The following LAMA4 variants were observed in gnomAD, a reference collection of about 807,000 sequenced individuals.
The protein encoded by LAMA4 is laminin subunit alpha 4.
A neutral mutation model predicts 207.1 loss-of-function variants in LAMA4; 127 were observed. That is an observed-to-expected ratio of 0.61 (90% CI 0.53 to 0.71). LAMA4 has a LOEUF of 0.71. LAMA4 is among the 30% of genes least tolerant of loss of function. The pLI is 0.00. For missense variants in LAMA4, 2,093 were observed against 2,246.5 expected, an observed-to-expected ratio of 0.93 and a Z score of 1.38; for synonymous variants, 761 against 816.0, an observed-to-expected ratio of 0.93 and a Z score of 1.15.
Position 112,140,796 on chromosome 6 carries a change from T to G in LAMA4, c.2940A>C (p.Thr980=), listed in dbSNP as rs397516727. The change falls in exon 22 of 39, where the codon ACA becomes ACC. Residue 980 remains threonine (T), a synonymous_variant. Coordinates refer to ENST00000230538, the MANE Select transcript of LAMA4 (RefSeq NM_001105206.3). Reference sequence around the variant, plus strand: ...AAGGCACTCCACCAACATAAAACACTGTGTCCTCAGGGTCCAGGTCCAGCA... The same window carrying G: ...AAGGCACTCCACCAACATAAAACACGGTGTCCTCAGGGTCCAGGTCCAGCA... ...DSLLDLDPED[T]VFYVGGVPSN... 1.5e-4 allele frequency: 242 copies of G among 1,613,924 alleles called. No homozygotes were observed. Among genetic ancestry groups the G allele is most frequent in the Admixed American group, 4.5e-4 (27 of 59,994 alleles).
chr6:112,254,211 C>G lies in LAMA4; in HGVS notation c.-61G>C. 6.2e-7 allele frequency: 1 copy of G among 1,606,700 alleles called. No individual in the cohort carries two copies. Among genetic ancestry groups the G allele is most frequent in the East Asian group, 2.2e-5 (1 of 44,790 alleles). On this transcript the variant is annotated 5_prime_UTR_variant, in exon 2 of 39. Transcript: ENST00000230538. Reference sequence around the variant, plus strand: ...TCGGGCGCTGTGGGTCTCCGTAGGTCTCCCGCGTGGTGCGGCGGTGCCTCG... The same window carrying G: ...TCGGGCGCTGTGGGTCTCCGTAGGTGTCCCGCGTGGTGCGGCGGTGCCTCG...
At chr6:112,205,235 C>G (rs140790709) in intron 4 of LAMA4, among the ~76,000 whole-genome samples, 1 of 152,314 alleles carries the variant, frequency 6.6e-6, no homozygotes, top group Admixed American at 6.5e-5. Context: ...GGTATGTGTT[C>G]AGTAAAGGCA....
rs568144065 is a variant in LAMA4, at chr6:112,165,152, G to A, written c.1668+8C>T. 5.8e-5 allele frequency: 88 copies of A among 1,509,016 alleles called. No homozygotes were observed. In the South Asian group the frequency reaches 9.0e-4, roughly 15 times the overall value. 93.5% of individuals were successfully genotyped at this position (1,509,016 alleles called of 1,614,324 possible). Reference sequence around the variant, plus strand: ...ATACAAACCTGAACAAGTCACGTGCGTCCTTACCTTTATTATATCATCAAG... The same window carrying A: ...ATACAAACCTGAACAAGTCACGTGCATCCTTACCTTTATTATATCATCAAG... On this transcript the variant is annotated splice_region_variant and intron_variant, in intron 13 of 38. Coordinates refer to ENST00000230538, the MANE Select transcript of LAMA4 (RefSeq NM_001105206.3).
rs1778144212 is a variant in LAMA4, at chr6:112,118,284, A to G, written c.4822-386T>C. ...TCTTTACTTAAATCTACCATAGCCAAATAAACAGCAGAAAGCTTTCATTTC... is the reference window on the plus strand; with the variant it reads ...TCTTTACTTAAATCTACCATAGCCAGATAAACAGCAGAAAGCTTTCATTTC... On this transcript the variant is annotated intron_variant, in intron 34 of 38. Transcript: ENST00000230538. This position sits in a 1 kb window ranked among gnomAD's most constrained non-coding sequence, Gnocchi z 4.6. Among the ~76,000 whole-genome samples the G allele has an allele frequency of 6.6e-6, 1 of 152,198 alleles. No individual in the cohort carries two copies. Among genetic ancestry groups the G allele is most frequent in the South Asian group, 2.1e-4 (1 of 4,828 alleles).
chr6:112,185,254 C>G lies in LAMA4; in HGVS notation c.1060G>C (p.Glu354Gln). ...NTMKSLLSDV[E>Q]ELVEKENQAS... is the part of the protein sequence containing the mutation. The stretch of plus-strand genomic sequence containing the variant: ...ATACGTACCTTTTCAACTAATTCCT[C>G]TACGTCAGACAGAAGGCTTTTCATC... Residue 354 changes from glutamate to glutamine, a missense_variant, in exon 9 of 39, where the codon GAG becomes CAG. Glu to Gln is a conservative substitution (Grantham distance 29, BLOSUM62 2). This residue lies in a region of LAMA4 where 1,704 missense variants were observed against 1,788.4 expected (regional missense o/e 0.95). Transcript: ENST00000230538. 6.2e-7 allele frequency: 1 copy of G among 1,605,934 alleles called. No homozygotes were observed. The highest frequency in any genetic ancestry group is 8.5e-7 in the Non-Finnish European group (1 of 1,172,560).
intron 12 of LAMA4, chr6:112,166,614 G>T (rs1781395776): frequency 6.5e-6 from 1 of 153,728 alleles, no homozygotes; most frequent in African/African-American, 2.4e-5. Context: ...CTTCAAAGCT[G>T]TGTGCTAATA....
At chr6:112,238,290 T>C (rs1444564171) in intron 2 of LAMA4, among the ~76,000 whole-genome samples, 1 of 152,234 alleles carries the variant, frequency 6.6e-6, no homozygotes, top group Non-Finnish European at 1.5e-5. Flanking sequence ...TGAGGTAGTG[T>C]GCACCTTTTT....
intron 2 of LAMA4, among the ~76,000 whole-genome samples, chr6:112,224,813 CAAAAA>C (rs782785024): frequency 2.9e-5 from 2 of 67,998 alleles, no homozygotes; most frequent in Admixed American, 2.9e-4. Context: ...AAGACTGTCT[CAAAAA>C]AAAAAAAAAA....
At chr6:112,139,515 C>T (rs918911673) in intron 23 of LAMA4, among the ~76,000 whole-genome samples, 2 of 152,158 alleles carry the variant, frequency 1.3e-5, no homozygotes, top group Non-Finnish European at 2.9e-5. Flanking sequence ...TCCAGGGACA[C>T]CCTAGTCTCT....
At chr6:112,142,560 A>G (rs1454198868) in intron 19 of LAMA4, among the ~76,000 whole-genome samples, 1 of 152,192 alleles carries the variant, frequency 6.6e-6, no homozygotes, top group African/African-American at 2.4e-5. Flanking sequence ...TGAACAGTAT[A>G]CTTGGTTTGG....
At chr6:112,142,605 G>C (rs546999303) in intron 19 of LAMA4, among the ~76,000 whole-genome samples, 12 of 152,284 alleles carry the variant, frequency 7.9e-5, no homozygotes. Flanking sequence ...TGTCTGGTCA[G>C]TATACAATTC....
At position 112,139,853 on chromosome 6, in the gene LAMA4, A is replaced by T; in HGVS notation, c.3009T>A (p.Val1003=). ...LPTSLNLPGF[V]GCLELATLNN... Reference sequence around the variant, plus strand: ...TCAAAGTGGCCAGTTCCAGGCAGCCAACAAAGCCAGGCAGGTTTAAGCTGG... The same window carrying T: ...TCAAAGTGGCCAGTTCCAGGCAGCCTACAAAGCCAGGCAGGTTTAAGCTGG... The change falls in exon 23 of 39, where the codon GTT becomes GTA. Residue 1003 remains valine, a synonymous_variant. Transcript: ENST00000230538. 1 of 1,614,130 alleles carries T rather than the reference A, an allele frequency of 6.2e-7. No individual in the cohort carries two copies. The highest frequency in any genetic ancestry group is 8.5e-7 in the Non-Finnish European group (1 of 1,179,982).
chr6:112,233,331 G>C (rs1430018436), intron 2 of LAMA4, among the ~76,000 whole-genome samples: 1 of 152,176 alleles, frequency 6.6e-6, no homozygotes, highest in Non-Finnish European at 1.5e-5. Flanking sequence ...CCCAGCCCAG[G>C]GGCTGGCACA....
At chr6:112,113,563 A>T (rs1225094445) in intron 38 of LAMA4, among the ~76,000 whole-genome samples, 7 of 152,194 alleles carry the variant, frequency 4.6e-5, no homozygotes, top group Admixed American at 4.6e-4. Context: ...GTGACTGATG[A>T]TGTTTACAGA....
intron 2 of LAMA4, chr6:112,253,461 T>A: frequency 2.7e-6 from 1 of 373,528 alleles, no homozygotes; most frequent in South Asian, 2.4e-5. Flanking sequence ...GCTCCTTTCA[T>A]GACCAGCCAC....
Position 112,149,118 on chromosome 6 carries a change from T to A in LAMA4, c.2174-782A>T, listed in dbSNP as rs547262196. On this transcript the variant is annotated intron_variant, in intron 17 of 38. Transcript: ENST00000230538. ...AAGTGAATTATAATTATTTTTATTA[T>A]AAAAATAATACTTAATTTAATAATA... 3.6e-3 allele frequency among the ~76,000 whole-genome samples: 536 copies of A among 147,994 alleles called. 4 individuals carry two copies. Among genetic ancestry groups the A allele is most frequent in the African/African-American group, 0.01 (404 of 40,316 alleles).
At chr6:112,198,665 ATAAT>A (rs1783558914) in intron 5 of LAMA4, among the ~76,000 whole-genome samples, 2 of 152,196 alleles carry the variant, frequency 1.3e-5, no homozygotes, top group African/African-American at 2.4e-5. Context: ...GACATAAGTG[ATAAT>A]TAATCAGTGG....
intron 2 of LAMA4, chr6:112,219,353 T>G (rs1430657091): frequency 1.3e-5 from 2 of 152,190 alleles, no homozygotes; most frequent in Admixed American, 1.3e-4. Context: ...TGGAAGAGTC[T>G]CCACAGTTTA....
At position 112,139,766 on chromosome 6, in the gene LAMA4, T is replaced by A; in HGVS notation, c.3096A>T (p.Ser1032=). The change falls in exon 23 of 39, where the codon TCA becomes TCT. Residue 1032 remains serine, a synonymous_variant. Transcript: ENST00000230538. ...KHIYNMDPST[S]VPCARDKLAF... ...CTGTCTCTTACCGGGCACATGGCAC[T>A]GATGTGGAGGGGTCCATATTATAGA... 6.2e-7 allele frequency: 1 copy of A among 1,614,062 alleles called. No homozygotes were observed. The highest frequency in any genetic ancestry group is 8.5e-7 in the Non-Finnish European group (1 of 1,179,894).
Sources: allele counts gnomAD v4.1 joint callset (sites outside exome capture counted in the v4.1 genomes callset), GRCh38; gene constraint gnomAD v4.1.1; regional missense constraint gnomAD v4.1.1; non-coding constraint Gnocchi (gnomAD v3.1); transcripts MANE v1.5; gene names NCBI Gene and HGNC (gene_info 2026-07-23, HGNC 2026-07-21).